INPP4A: variants seen among roughly 807,000 people sequenced by gnomAD.
INPP4A encodes inositol polyphosphate-4-phosphatase, type I, 107kD.
In INPP4A, 33 loss-of-function variants were observed where a neutral mutation model predicts 119.8. The observed-to-expected ratio is 0.28, with a 90% CI of 0.21 to 0.37. The LOEUF (loss-of-function observed/expected upper bound fraction) is 0.37, where lower values mean the gene tolerates loss of function less well. Among genes scored for constraint, INPP4A ranks in the 10% least tolerant of loss-of-function variants. The probability of loss-of-function intolerance (pLI) is 1.00; values close to 1 mark genes in which losing one functional copy is unlikely to be tolerated. For synonymous variants in INPP4A, 496 were observed against 500.7 expected, an observed-to-expected ratio of 0.99 and a Z score of 0.12; for missense variants, 956 against 1,289.9, an observed-to-expected ratio of 0.74 and a Z score of 3.97.
intron 1 of INPP4A, among the ~76,000 whole-genome samples, chr2:98,501,372 A>T (rs1683090574): frequency 6.6e-6 from 1 of 152,132 alleles, no homozygotes; most frequent in South Asian, 2.1e-4. Flanking sequence ...TGTGGACCAC[A>T]GTACAAGGTC....
At chr2:98,522,392 T>G (rs1387378849) in intron 4 of INPP4A, among the ~76,000 whole-genome samples, 2 of 151,232 alleles carry the variant, frequency 1.3e-5, no homozygotes, top group Non-Finnish European at 3.0e-5. Flanking sequence ...AAAAGAACAA[T>G]TGAAGAACAA....
chr2:98,523,674 G>A (rs1189003524), intron 4 of INPP4A, among the ~76,000 whole-genome samples: 6 of 152,166 alleles, frequency 3.9e-5, no homozygotes, highest in East Asian at 1.9e-4. Context: ...GATTACAGGC[G>A]TGAGCCACCG....
chr2:98,542,490 C>T (rs1053410534), intron 10 of INPP4A, among the ~76,000 whole-genome samples: 13 of 152,050 alleles, frequency 8.5e-5, no homozygotes, highest in Admixed American at 5.2e-4. Flanking sequence ...ATCTACTTCC[C>T]GGAAGCAACC....
chr2:98,508,064 C>T (rs1684422295), intron 1 of INPP4A, among the ~76,000 whole-genome samples: 1 of 152,138 alleles, frequency 6.6e-6, no homozygotes. Flanking sequence ...GTGGGCCGCC[C>T]ACTTTGCATT....
At chr2:98,503,696 A>G (rs1683541781) in intron 1 of INPP4A, among the ~76,000 whole-genome samples, 1 of 152,252 alleles carries the variant, frequency 6.6e-6, no homozygotes, top group African/African-American at 2.4e-5. Context: ...ATGAATGGAC[A>G]GTTCCAGATT....
chr2:98,574,150 C>T (rs1196607434), intron 23 of INPP4A, among the ~76,000 whole-genome samples: 1 of 152,170 alleles, frequency 6.6e-6, no homozygotes, highest in Non-Finnish European at 1.5e-5. Flanking sequence ...TTGCTCAGGC[C>T]AGGCCCAGCA....
rs115530149 is a variant in INPP4A at position 98,504,388 on chromosome 2, A to G, written c.-165-14576A>G. On this transcript the variant is annotated intron_variant, in intron 1 of 24. Coordinates refer to ENST00000409851, the MANE Select transcript of INPP4A (RefSeq NM_001134225.2). ...TTCACAGCTAAAATAAACAGGTTAT[A>G]CACCACTTTGCCAGAGATCTACATG... is the stretch of plus-strand genomic sequence containing the variant. 6.1e-3 allele frequency among the ~76,000 whole-genome samples: 928 copies of G among 152,308 alleles called. 5 individuals carry two copies. Among genetic ancestry groups the G allele is most frequent in the South Asian group, 0.018 (88 of 4,822 alleles).
chr2:98,563,758 C>T (rs1184433988), intron 18 of INPP4A, 121 bp downstream of exon 18: 3 of 933,190 alleles, frequency 3.2e-6, no homozygotes, highest in Admixed American at 5.5e-5. Flanking sequence ...ATATTTCCTC[C>T]TGGTGGTGCT....
intron 1 of INPP4A, among the ~76,000 whole-genome samples, chr2:98,445,382 T>G (rs1159124389): frequency 1.3e-5 from 2 of 152,168 alleles, no homozygotes; most frequent in Non-Finnish European, 2.9e-5. Flanking sequence ...GCCTGCCCGA[T>G]GCGGCTCCAG....
intron 1 of INPP4A, among the ~76,000 whole-genome samples, chr2:98,475,981 C>G (rs1397376634): frequency 6.6e-6 from 1 of 152,118 alleles, no homozygotes; most frequent in Non-Finnish European, 1.5e-5. Context: ...ACAGGTAATC[C>G]AGATTTGATG....
chr2:98,517,054 C>T (rs1686278615), intron 1 of INPP4A, among the ~76,000 whole-genome samples: 1 of 152,018 alleles, frequency 6.6e-6, no homozygotes. Context: ...TAACCCGCAC[C>T]CAGATCATTT....
intron 11 of INPP4A, among the ~76,000 whole-genome samples, chr2:98,545,445 A>G (rs1000949214): frequency 1.3e-5 from 2 of 152,154 alleles, no homozygotes; most frequent in African/African-American, 4.8e-5. Context: ...TCAATGCTAT[A>G]TTGCATTTGT....
chr2:98,463,615 G>T (rs868318129), intron 1 of INPP4A, among the ~76,000 whole-genome samples: 1 of 152,374 alleles, frequency 6.6e-6, no homozygotes, highest in Middle Eastern at 3.4e-3. Flanking sequence ...TCACGCAGCA[G>T]GTAGTTTTCA....
intron 20 of INPP4A, 74 bp downstream of exon 20, chr2:98,565,840 T>C (rs1185963886): frequency 4.5e-6 from 7 of 1,570,060 alleles, no homozygotes; most frequent in Admixed American, 3.9e-5. Flanking sequence ...AAGGTACTCT[T>C]CTGAATTTTT....
intron 13 of INPP4A, among the ~76,000 whole-genome samples, chr2:98,547,867 G>C (rs142391707): frequency 6.6e-6 from 1 of 152,128 alleles, no homozygotes; most frequent in African/African-American, 2.4e-5. Flanking sequence ...GGGCTGGGGA[G>C]GGTCAGACTC....
rs1182353596 is a variant in INPP4A, at chr2:98,591,139, T to G, written c.*3531T>G. The G allele has an allele frequency of 5.4e-6, 1 of 184,766 alleles. No individual in the cohort carries two copies. The highest frequency in any genetic ancestry group is 2.3e-5 in the African/African-American group (1 of 42,694). The allele number at this position is 184,766 out of a possible 1,614,324, so 11.4% of individuals were successfully genotyped here. ...GTAGTCACATATACCTGTCTTTCAT[T>G]TTGATGCTTGTTCTGAAATGGAGTC... On this transcript the variant is annotated 3_prime_UTR_variant, in exon 25 of 25. Coordinates refer to ENST00000409851, the MANE Select transcript of INPP4A (RefSeq NM_001134225.2).
chr2:98,589,083 G>A lies in INPP4A; in HGVS notation c.*1475G>A, dbSNP rs1700190902. 5.5e-6 allele frequency: 1 copy of A among 180,642 alleles called. No homozygotes were observed. Among genetic ancestry groups the A allele is most frequent in the Non-Finnish European group, 1.2e-5 (1 of 84,532 alleles). 11.2% of individuals were successfully genotyped at this position (180,642 alleles called of 1,614,324 possible). A position where few individuals can be genotyped will look rare whatever the true frequency, so the allele number is the denominator to read the frequency against. On this transcript the variant is annotated 3_prime_UTR_variant, in exon 25 of 25. Transcript: ENST00000409851. ...CTTCCAGACCCCCTCCTACTCAGAA[G>A]TCAGCATGCAAGCAGCGCCTGCTGT... is the stretch of plus-strand genomic sequence containing the variant.
intron 19 of INPP4A, 70 bp from the exon 20 acceptor site, chr2:98,565,570 G>A: frequency 6.6e-7 from 1 of 1,517,724 alleles, no homozygotes; most frequent in Non-Finnish European, 8.8e-7. Context: ...GGGCTTGGCT[G>A]CCTTCTGCTG....
rs3769706 is a variant in INPP4A, at chr2:98,575,108, T to A, written c.2632-1881T>A. Among the ~76,000 whole-genome samples the A allele has an allele frequency of 1.1e-4, 16 of 152,326 alleles. No homozygotes were observed. In the East Asian group the frequency reaches 3.1e-3, roughly 29 times the overall value. The stretch of plus-strand genomic sequence containing the variant: ...AGCAGAGCTGCTCTCCTTTTCAGGC[T>A]CTTATTTCTTTTTGTTTGTGTGTAT... On this transcript the variant is annotated intron_variant, in intron 23 of 24. Coordinates refer to ENST00000409851, the MANE Select transcript of INPP4A (RefSeq NM_001134225.2).
Sources: allele counts gnomAD v4.1 joint callset (sites outside exome capture counted in the v4.1 genomes callset), GRCh38; gene constraint gnomAD v4.1.1; transcripts MANE v1.5; gene names NCBI Gene and HGNC (gene_info 2026-07-23, HGNC 2026-07-21).